TP53BP1: variants seen among roughly 807,000 people sequenced by gnomAD.
TP53BP1 encodes the protein TP53-binding protein 1.
Under a neutral mutation model 200.8 loss-of-function variants are expected in TP53BP1, and 61 were observed. The ratio of observed to expected loss-of-function variants is 0.30; its 90% CI spans 0.25 to 0.38. The LOEUF (loss-of-function observed/expected upper bound fraction) is 0.38. Among genes scored for constraint, TP53BP1 ranks in the 10% least tolerant of loss-of-function variants. TP53BP1 has a pLI of 1.00. For synonymous variants in TP53BP1, 822 were observed against 844.3 expected, an observed-to-expected ratio of 0.97 and a Z score of 0.46; for missense variants, 2,144 against 2,371.9, an observed-to-expected ratio of 0.90 and a Z score of 2.00.
chr15:43,450,843 TTGAA>T (rs35715501), intron 12 of TP53BP1, among the ~76,000 whole-genome samples: 42,642 of 151,778 alleles, frequency 0.28, 10,107 homozygotes, highest in African/African-American at 0.65. Flanking sequence ...TTTGTATTGT[TTGAA>T]TGTTTTTCAA....
At chr15:43,410,720 C>T (rs1419462484) in intron 24 of TP53BP1, among the ~76,000 whole-genome samples, 1 of 152,104 alleles carries the variant, frequency 6.6e-6, no homozygotes, top group Non-Finnish European at 1.5e-5. Flanking sequence ...CCCTTCACAC[C>T]CAGTAGTAAA....
chr15:43,456,565 T>G lies in TP53BP1; in HGVS notation c.2043A>C (p.Gly681=). The part of the protein sequence containing the change: ...EIPETPCESQ[G]EELKEENMES... The stretch of plus-strand genomic sequence containing the variant: ...CCATATTTTCTTCTTTGAGTTCCTC[T>G]CCTTGACTTTCACAAGGTGTCTCAG... The change falls in exon 12 of 28, where the codon GGA becomes GGC. Residue 681 remains glycine, a synonymous_variant. Coordinates refer to ENST00000382044, the MANE Select transcript of TP53BP1 (RefSeq NM_001141980.3). 6.2e-7 allele frequency: 1 copy of G among 1,613,656 alleles called. No individual in the cohort carries two copies. The highest frequency in any genetic ancestry group is 8.5e-7 in the Non-Finnish European group (1 of 1,179,834).
At chr15:43,463,119 G>GCCA (rs144941828) in intron 11 of TP53BP1, among the ~76,000 whole-genome samples, 1 of 152,084 alleles carries the variant, frequency 6.6e-6, no homozygotes, top group African/African-American at 2.4e-5. Flanking sequence ...ACAATGTTAT[G>GCCA]CCACCACCAC....
At chr15:43,420,163 T>A in intron 21 of TP53BP1, 142 bp downstream of exon 21, 1 of 793,838 alleles carries the variant, frequency 1.3e-6, no homozygotes, top group Non-Finnish European at 2.0e-6. Flanking sequence ...GTGGCAAGAG[T>A]AACCAATTTT....
intron 13 of TP53BP1, chr15:43,446,993 A>C (rs904437602): frequency 1.9e-6 from 1 of 516,286 alleles, no homozygotes; most frequent in African/African-American, 1.9e-5. Context: ...TTGCCCTGTC[A>C]AGCAGCAGAC....
At position 43,413,131 on chromosome 15, in the gene TP53BP1, C is replaced by G. The variant is rs779032048; in HGVS notation, c.5293G>C (p.Glu1765Gln). The G allele has an allele frequency of 1.2e-6, 2 of 1,614,194 alleles. No individual in the cohort carries two copies. The highest frequency in any genetic ancestry group is 1.7e-6 in the Non-Finnish European group (2 of 1,180,040). ...CCTAAGGCCTTACCCTCCTCTTCTTCACTGCTTCCTGTAGGACCATCTGGC... is the reference window on the plus strand; with the variant it reads ...CCTAAGGCCTTACCCTCCTCTTCTTGACTGCTTCCTGTAGGACCATCTGGC... ...KLPDGPTGSS[E>Q]EEEEFLEIPP... The change falls in exon 24 of 28, where the codon GAA becomes CAA. Residue 1765 changes from glutamate (E) to glutamine (Q), a missense_variant. Transcript: ENST00000382044.
chr15:43,480,078 G>A, intron 5 of TP53BP1, 61 bp from the exon 6 acceptor site: 3 of 1,494,200 alleles, frequency 2.0e-6, no homozygotes, highest in East Asian at 2.4e-5. Flanking sequence ...TGTACAAGCT[G>A]CTGTCCTCAG....
Position 43,404,590 on chromosome 15 carries a change from AG to A in TP53BP1, c.*2792del. 6.2e-7 allele frequency: 1 copy of A among 1,605,138 alleles called. No homozygotes were observed. Among genetic ancestry groups the A allele is most frequent in the Non-Finnish European group, 8.5e-7 (1 of 1,175,898 alleles). On this transcript the variant is annotated 3_prime_UTR_variant, in exon 28 of 28. Transcript: ENST00000382044. ...CTTGGGTAACTCAGTAGACTTTTTA[AG>A]GTGGCTTTTTAATGAGTTGTAGAAT...
At chr15:43,413,366 G>T in intron 23 of TP53BP1, 32 bp from the exon 24 acceptor site, 1 of 1,582,910 alleles carries the variant, frequency 6.3e-7, no homozygotes, top group Non-Finnish European at 8.6e-7. Flanking sequence ...TTACTAGAGG[G>T]ATACACACCA....
At position 43,439,784 on chromosome 15, in the gene TP53BP1, T is replaced by G. The variant is rs376408644; in HGVS notation, c.3099-1368A>C. On this transcript the variant is annotated intron_variant, in intron 15 of 27. Coordinates refer to ENST00000382044, the MANE Select transcript of TP53BP1 (RefSeq NM_001141980.3). ...TCCTTATTTTCTCCTCTCTACTTTC[T>G]ACCCTAAGAGTTCTAGAAGCTTCAG... Among the ~76,000 whole-genome samples, 3 of 152,224 alleles carry G rather than the reference T, an allele frequency of 2.0e-5. No homozygotes were observed. The East Asian group carries it at 5.8e-4, about 29-fold the overall frequency.
chr15:43,478,059 T>C (rs2078910472), intron 7 of TP53BP1, among the ~76,000 whole-genome samples: 1 of 152,202 alleles, frequency 6.6e-6, no homozygotes, highest in African/African-American at 2.4e-5. Flanking sequence ...TTGTTACATA[T>C]AATGTTATCT....
In TP53BP1 at chr15:43,406,425, A is replaced by G. The variant is rs1465757090; in HGVS notation, c.*958T>C. 2 of 347,816 alleles carry G rather than the reference A, an allele frequency of 5.8e-6. No homozygotes were observed. Among genetic ancestry groups the G allele is most frequent in the African/African-American group, 4.3e-5 (2 of 46,538 alleles). 21.5% of individuals were successfully genotyped at this position (347,816 alleles called of 1,614,324 possible). Reference sequence around the variant, plus strand: ...TTTCTACTGCTGTCTCTGGAGCAGGAGCTGGCAAACTATGGCCTGCTGTCT... The same window carrying G: ...TTTCTACTGCTGTCTCTGGAGCAGGGGCTGGCAAACTATGGCCTGCTGTCT... On this transcript the variant is annotated 3_prime_UTR_variant, in exon 28 of 28. Transcript: ENST00000382044.
intron 7 of TP53BP1, 88 bp from the exon 8 acceptor site, chr15:43,477,847 T>A: frequency 9.0e-7 from 1 of 1,105,566 alleles, no homozygotes; most frequent in Non-Finnish European, 1.2e-6. Context: ...TGTTTTTCTT[T>A]AATAATTTCA....
At chr15:43,479,177 G>GT (rs2078926309) in intron 7 of TP53BP1, among the ~76,000 whole-genome samples, 1 of 152,194 alleles carries the variant, frequency 6.6e-6, no homozygotes, top group Non-Finnish European at 1.5e-5. Flanking sequence ...GGGCAACATA[G>GT]TGAGACTTTG....
intron 18 of TP53BP1, among the ~76,000 whole-genome samples, chr15:43,423,573 C>T (rs907429896): frequency 8.0e-6 from 1 of 124,938 alleles, no homozygotes; most frequent in Non-Finnish European, 1.5e-5. Flanking sequence ...AGAAGAATCA[C>T]ATGTGAACCT....
intron 12 of TP53BP1, among the ~76,000 whole-genome samples, chr15:43,455,470 C>G (rs1377923424): frequency 5.9e-5 from 9 of 152,144 alleles, no homozygotes; most frequent in Admixed American, 5.9e-4. Context: ...CCTGTAATCC[C>G]AGCACTTTGG....
At chr15:43,484,762 T>TG (rs1048686611) in intron 4 of TP53BP1, among the ~76,000 whole-genome samples, 33 of 151,974 alleles carry the variant, frequency 2.2e-4, no homozygotes, top group African/African-American at 8.0e-4. Flanking sequence ...TTTTGTTTTT[T>TG]TTTTTTAAGA....
chr15:43,452,822 G>A (rs2046201526), intron 12 of TP53BP1, among the ~76,000 whole-genome samples: 1 of 152,102 alleles, frequency 6.6e-6, no homozygotes. Flanking sequence ...AATTAACAAT[G>A]TAAACAAGAA....
Position 43,413,332 on chromosome 15 carries a change from C to T in TP53BP1, c.5092G>A (p.Ala1698Thr), listed in dbSNP as rs1396842387. The T allele has an allele frequency of 1.9e-6, 3 of 1,613,362 alleles. No individual in the cohort carries two copies. Among genetic ancestry groups the T allele is most frequent in the Non-Finnish European group, 2.5e-6 (3 of 1,179,558 alleles). The change falls in exon 24 of 28, where the codon GCA becomes ACA. Residue 1698 changes from alanine (A) to threonine (T), a missense_variant and splice_region_variant. By Grantham distance (58) the Ala-to-Thr change is moderately conservative. This residue lies in a region of TP53BP1 where 334 missense variants were observed against 453.4 expected (regional missense o/e 0.74). Coordinates refer to ENST00000382044, the MANE Select transcript of TP53BP1 (RefSeq NM_001141980.3). ...GRKSATVKPG[A>T]VGAGEFVSPC... is the part of the protein sequence containing the mutation. ...CTCACAAACTCTCCTGCCCCTACTG[C>T]ACCTGGGAAGGACAGGGGCACAGTT...
Sources: allele counts gnomAD v4.1 joint callset (sites outside exome capture counted in the v4.1 genomes callset), GRCh38; gene constraint gnomAD v4.1.1; regional missense constraint gnomAD v4.1.1; transcripts MANE v1.5; gene names NCBI Gene and HGNC (gene_info 2026-07-23, HGNC 2026-07-21).